Variants in RTL1 observed in about 807,000 individuals in gnomAD.
The protein encoded by RTL1 is retrotransposon Gag like 1, also known as retrotransposon-like protein 1.
For missense variants in RTL1, 1,681 were observed against 1,767.5 expected (o/e 0.95, Z 0.88); for synonymous variants, 727 against 748.4 (o/e 0.97, Z 0.47).
In RTL1 at chr14:100,884,870, A is replaced by C; in HGVS notation, c.-82T>G. ...GTCAGTAGCTGGGACCGTGGAGATC[A>C]GAACCTGGTGGTGGAAGGGGAGTGT... On this transcript the variant is annotated 5_prime_UTR_variant, in exon 4 of 4. Coordinates refer to ENST00000649591, the MANE Select transcript of RTL1 (RefSeq NM_001134888.3). 1 of 1,335,694 alleles carries C rather than the reference A, an allele frequency of 7.5e-7. No homozygotes were observed. Among genetic ancestry groups the C allele is most frequent in the Non-Finnish European group, 1.0e-6 (1 of 981,576 alleles). 82.7% of individuals were successfully genotyped at this position (1,335,694 alleles called of 1,614,324 possible).
At chr14:100,897,786 G>GGGGGGGA (rs2038888242) in intron 2 of RTL1, 1 of 174,702 alleles carries the variant, frequency 5.7e-6, no homozygotes, top group Non-Finnish European at 1.2e-5. Context: ...GGCGGGGGGG[G>GGGGGGGA]GCAGTGAATT....
In RTL1 at chr14:100,880,600, G is replaced by C. The variant is rs73349351; in HGVS notation, c.*112C>G. 15,027 of 1,495,848 alleles carry C rather than the reference G, an allele frequency of 0.01. 1,273 individuals are homozygous for C. The African/African-American group carries it at 0.18, about 18-fold the overall frequency. 92.7% of individuals were successfully genotyped at this position (1,495,848 alleles called of 1,614,324 possible). A position where few individuals can be genotyped will look rare whatever the true frequency, so the allele number is the denominator to read the frequency against. On this transcript the variant is annotated 3_prime_UTR_variant, in exon 4 of 4. Transcript: ENST00000649591. ...CACAAGTGGGTTCCTCTTGGGTCAG[G>C]AGTGGCAGGAAGGGAAGCGAAGCAG...
rs987175263 is a variant in RTL1 at position 100,893,653 on chromosome 14, T to G, written c.-148-148A>C. ...CGTGCCTTTCTGTTGTGAGCTTTTT[T>G]CCACGTGGCTACGTTGGGGACCTCC... On this transcript the variant is annotated intron_variant, in intron 2 of 3. Coordinates refer to ENST00000649591, the MANE Select transcript of RTL1 (RefSeq NM_001134888.3). This position sits in a 1 kb window ranked among gnomAD's most constrained non-coding sequence, Gnocchi z 4.2. Among the ~76,000 whole-genome samples the G allele has an allele frequency of 3.9e-5, 6 of 152,268 alleles. No homozygotes were observed. The highest frequency in any genetic ancestry group is 8.8e-5 in the Non-Finnish European group (6 of 68,044).
chr14:100,898,549 C>CA (rs1466213996), intron 2 of RTL1, among the ~76,000 whole-genome samples: 5 of 152,168 alleles, frequency 3.3e-5, no homozygotes, highest in African/African-American at 1.2e-4. Flanking sequence ...GGACGGGGTC[C>CA]AAAAAATAAG....
In RTL1 at chr14:100,893,020, G is replaced by A. The variant is rs550346769; in HGVS notation, c.-87+424C>T. ...GGGCAGGAGCAGATGCCCAGAGTGG[G>A]GTTGGCAGTTGCCATTTGGGAAACT... On this transcript the variant is annotated intron_variant, in intron 3 of 3. Transcript: ENST00000649591. This position sits in a 1 kb window ranked among gnomAD's most constrained non-coding sequence, Gnocchi z 4.2. 1.2e-3 allele frequency among the ~76,000 whole-genome samples: 185 copies of A among 152,128 alleles called. No homozygotes were observed. Among genetic ancestry groups the A allele is most frequent in the South Asian group, 6.7e-3 (32 of 4,790 alleles).
chr14:100,898,214 A>G (rs1261451376), intron 2 of RTL1, among the ~76,000 whole-genome samples: 1 of 152,206 alleles, frequency 6.6e-6, no homozygotes. Flanking sequence ...ATACATAAAA[A>G]TGGTGCTTAA....
intron 3 of RTL1, among the ~76,000 whole-genome samples, chr14:100,887,934 CAGCCTGGG>C (rs72234621): frequency 0.13 from 19,703 of 152,068 alleles, 1,484 homozygotes; most frequent in East Asian, 0.28. Context: ...GCATGGAGCC[CAGCCTGGG>C]TGCCCTTGTG....
At chr14:100,903,212 C>T (rs1044290676) in intron 2 of RTL1, among the ~76,000 whole-genome samples, 79 bp downstream of exon 2, 4 of 152,076 alleles carry the variant, frequency 2.6e-5, no homozygotes. Context: ...AGAAACTCAG[C>T]GGGGTCCGGG....
intron 3 of RTL1, among the ~76,000 whole-genome samples, chr14:100,892,031 G>A (rs117284833): frequency 0.032 from 4,892 of 152,314 alleles, 112 homozygotes; most frequent in Middle Eastern, 0.11. Flanking sequence ...AATTGGGGTC[G>A]TCGTATTATT....
chr14:100,886,225 A>C (rs958578005), intron 3 of RTL1, among the ~76,000 whole-genome samples: 3 of 152,202 alleles, frequency 2.0e-5, no homozygotes, highest in South Asian at 4.2e-4. Context: ...AAAAAAAAAA[A>C]AAAAAACTGC....
rs560848030 is a variant in RTL1 at position 100,880,922 on chromosome 14, C to T, written c.3867G>A (p.Leu1289=). ...GGAGCAGGCGGCTACCAAGGAATTC[C>T]AGGACCTGGGGATCCATCAGGTGGC... is the stretch of plus-strand genomic sequence containing the variant. ...RPRHLMDPQV[L]EFLGSRLLHI... is the part of the protein sequence containing the mutation. Residue 1289 remains leucine, a synonymous_variant, in exon 4 of 4, where the codon CTG becomes CTA. Coordinates refer to ENST00000649591, the MANE Select transcript of RTL1 (RefSeq NM_001134888.3). The T allele has an allele frequency of 5.8e-5, 76 of 1,317,648 alleles. No individual in the cohort carries two copies. In the Admixed American group the frequency reaches 1.8e-3, roughly 32 times the overall value. The allele number at this position is 1,317,648 out of a possible 1,614,324, so 81.6% of individuals were successfully genotyped here. A position where few individuals can be genotyped will look rare whatever the true frequency, so the allele number is the denominator to read the frequency against.
intron 3 of RTL1, among the ~76,000 whole-genome samples, chr14:100,891,207 CCT>C (rs1445626631): frequency 1.3e-5 from 2 of 152,120 alleles, no homozygotes; most frequent in African/African-American, 4.8e-5. Flanking sequence ...CTTGCACACC[CCT>C]GACTTGTGGC....
rs2038583690 is a variant in RTL1, at chr14:100,879,980, C to G, written c.*732G>C. Among the ~76,000 whole-genome samples, 1 of 151,876 alleles carries G rather than the reference C, an allele frequency of 6.6e-6. No individual in the cohort carries two copies. Among genetic ancestry groups the G allele is most frequent in the Admixed American group, 6.6e-5 (1 of 15,254 alleles). On this transcript the variant is annotated 3_prime_UTR_variant, in exon 4 of 4. Transcript: ENST00000649591. ...GTTCAGTGTTGGGAGGGAAAGGCGC[C>G]CCAAGGCATGCAGGGGCCCTCTTTG... is the stretch of plus-strand genomic sequence containing the variant.
chr14:100,882,787 G>A lies in RTL1; in HGVS notation c.2002C>T (p.Leu668=), dbSNP rs927259221. The part of the protein sequence containing the change: ...HGAEWFTKLE[L]RGTIVEESVN... ...CTTTCCTCCACAATGGTCCCACGCA[G>A]CTCCAGTTTTGTGAACCACTCGGCT... The change falls in exon 4 of 4, where the codon CTG becomes TTG. Residue 668 remains leucine, a synonymous_variant. Coordinates refer to ENST00000649591, the MANE Select transcript of RTL1 (RefSeq NM_001134888.3). The A allele has an allele frequency of 9.0e-6, 14 of 1,551,840 alleles. No individual in the cohort carries two copies. The highest frequency in any genetic ancestry group is 1.1e-5 in the Non-Finnish European group (13 of 1,147,042).
In RTL1 at chr14:100,882,890, G is replaced by GTAT. The variant is rs1241702001; in HGVS notation, c.1896_1898dup (p.Glu632_Tyr633insTer). The GTAT allele has an allele frequency of 3.8e-6, 6 of 1,590,396 alleles. No individual in the cohort carries two copies. Among genetic ancestry groups the GTAT allele is most frequent in the Non-Finnish European group, 3.4e-6 (4 of 1,166,064 alleles). On this transcript the variant is annotated stop_gained, in exon 4 of 4. Transcript: ENST00000649591. LOFTEE classifies it low-confidence loss of function (END_TRUNC). Reference sequence around the variant, plus strand: ...TGGTCAGCATGTCCTGCAGGTCCCAGTATTCCTCCTGTAGCCTGGCTCTTT... The same window carrying GTAT: ...TGGTCAGCATGTCCTGCAGGTCCCAGTATTATTCCTCCTGTAGCCTGGCTCTTT...
Position 100,883,148 on chromosome 14 carries a change from G to A in RTL1, c.1641C>T (p.His547=), listed in dbSNP as rs752570082. ...GCAGTCCGGGTAGCAGGCTCATGCCGTGCCTCTCTAGGGCAATGCATGGCG... is the reference window on the plus strand; with the variant it reads ...GCAGTCCGGGTAGCAGGCTCATGCCATGCCTCTCTAGGGCAATGCATGGCG... ...PPPPCIALER[H]GMSLLPGLPH... The change falls in exon 4 of 4, where the codon CAC becomes CAT. Residue 547 remains histidine, a synonymous_variant. Coordinates refer to ENST00000649591, the MANE Select transcript of RTL1 (RefSeq NM_001134888.3). The surrounding 1 kb of genome is among the most constrained non-coding windows in gnomAD (Gnocchi z 5.9). 124 of 1,605,776 alleles carry A rather than the reference G, an allele frequency of 7.7e-5. No homozygotes were observed. Among genetic ancestry groups the A allele is most frequent in the Non-Finnish European group, 1.0e-4 (120 of 1,175,276 alleles).
At chr14:100,903,480 G>A (rs777200759) in intron 1 of RTL1, among the ~76,000 whole-genome samples, 94 bp from the exon 2 acceptor site, 4 of 152,180 alleles carry the variant, frequency 2.6e-5, no homozygotes, top group Non-Finnish European at 5.9e-5. Flanking sequence ...CCGTCTTGGA[G>A]CCAAGTCCCG....
chr14:100,890,268 G>A (rs966629140), intron 3 of RTL1, among the ~76,000 whole-genome samples: 4 of 151,500 alleles, frequency 2.6e-5, no homozygotes, highest in South Asian at 2.1e-4. Flanking sequence ...GGCCCATTGG[G>A]TCAGGGCTGC....
rs904906404 is a variant in RTL1, at chr14:100,883,646, C to A, written c.1143G>T (p.Trp381Cys). The A allele has an allele frequency of 9.4e-5, 146 of 1,551,118 alleles. 1 individual carries two copies. Among genetic ancestry groups the A allele is most frequent in the East Asian group, 5.6e-4 (23 of 40,878 alleles). ...ACCTCTCTGGAGCAGGTGAGTCGAT[C>A]CAGGTCAGGTTCCGGGGGCGGGCCT... Reference protein sequence around the residue: ...PPEARPRNLTWIDSPAPERWM... With the variant: ...PPEARPRNLTCIDSPAPERWM... The change falls in exon 4 of 4, where the codon TGG (tryptophan) becomes TGT (cysteine). Residue 381 changes from tryptophan to cysteine, a missense_variant. Trp to Cys is a radical substitution (Grantham distance 215, BLOSUM62 -2). Transcript: ENST00000649591. This position sits in a 1 kb window ranked among gnomAD's most constrained non-coding sequence, Gnocchi z 5.9.
Sources: allele counts gnomAD v4.1 joint callset (sites outside exome capture counted in the v4.1 genomes callset), GRCh38; gene constraint gnomAD v4.1.1; non-coding constraint Gnocchi (gnomAD v3.1); transcripts MANE v1.5; gene names NCBI Gene and HGNC (gene_info 2026-07-23, HGNC 2026-07-21).